The following TMEM131L variants were observed in gnomAD, a reference collection of about 807,000 sequenced individuals.
TMEM131L encodes the protein transmembrane protein 131-like.
A neutral mutation model predicts 192.2 loss-of-function variants in TMEM131L; 54 were observed. The ratio of observed to expected loss-of-function variants is 0.28; its 90% confidence interval spans 0.23 to 0.35. The LOEUF (loss-of-function observed/expected upper bound fraction) is 0.35. TMEM131L is among the 10% of genes least tolerant of loss of function. The probability of loss-of-function intolerance (pLI) is 1.00; values close to 1 mark genes in which losing one functional copy is unlikely to be tolerated. For synonymous variants in TMEM131L, 701 were observed against 704.9 expected, an observed-to-expected ratio of 0.99 and a Z score of 0.09; for missense variants, 1,888 against 1,972.9, an observed-to-expected ratio of 0.96 and a Z score of 0.82.
intron 31 of TMEM131L, among the ~76,000 whole-genome samples, chr4:153,628,171 C>T (rs1172883020): frequency 6.6e-6 from 1 of 152,238 alleles, no homozygotes; most frequent in Non-Finnish European, 1.5e-5. Flanking sequence ...AATTCAGCCT[C>T]AGCAGCCTTG....
At chr4:153,607,128 G>A (rs1437409781) in intron 25 of TMEM131L, among the ~76,000 whole-genome samples, 1 of 152,196 alleles carries the variant, frequency 6.6e-6, no homozygotes, top group African/African-American at 2.4e-5. Context: ...TCTGAAGGGA[G>A]GGTTTGGAGT....
intron 7 of TMEM131L, among the ~76,000 whole-genome samples, chr4:153,577,425 A>AT (rs1319928440): frequency 1.3e-5 from 2 of 152,068 alleles, no homozygotes; most frequent in African/African-American, 2.4e-5. Flanking sequence ...CTGCACCATC[A>AT]TTTTTTTGTG....
At position 153,578,349 on chromosome 4, in the gene TMEM131L, A is replaced by AT. The variant is rs1730099212; in HGVS notation, c.661-2476dup. ...GCCACTGTGCTTCAGCCTGGGCAGTATAACAAGTATTTTATTTTTTTTTGA... is the reference window on the plus strand; with the variant it reads ...GCCACTGTGCTTCAGCCTGGGCAGTATTAACAAGTATTTTATTTTTTTTTGA... On this transcript the variant is annotated intron_variant, in intron 7 of 34. Transcript: ENST00000409959. Among the ~76,000 whole-genome samples, 8 of 152,092 alleles carry AT rather than the reference A, an allele frequency of 5.3e-5. No individual in the cohort carries two copies. The South Asian group carries it at 1.7e-3, about 32-fold the overall frequency.
intron 3 of TMEM131L, among the ~76,000 whole-genome samples, chr4:153,513,236 G>A (rs1466565292): frequency 1.3e-5 from 2 of 152,114 alleles, no homozygotes; most frequent in Non-Finnish European, 2.9e-5. Context: ...TGTTGCCTTC[G>A]CCAGAGCACA....
intron 25 of TMEM131L, among the ~76,000 whole-genome samples, chr4:153,609,960 G>A (rs1004461891): frequency 7.9e-5 from 12 of 152,060 alleles, no homozygotes; most frequent in Admixed American, 7.9e-4. Flanking sequence ...AGTGCTTGAT[G>A]TTTTCCTTTG....
rs746077627 is a variant in TMEM131L, at chr4:153,602,132, C to CT, written c.2267-13dup. ...TTTATAGTTCACATATACTAAATAT[C>CT]TTTTTTTGGTTCCCATTAGAACTGA... On this transcript the variant is annotated intron_variant, in intron 21 of 34. Transcript: ENST00000409959. 33 of 1,406,536 alleles carry CT rather than the reference C, an allele frequency of 2.3e-5. No individual in the cohort carries two copies. The highest frequency in any genetic ancestry group is 3.2e-5 in the Non-Finnish European group (33 of 1,025,740). 87.1% of individuals were successfully genotyped at this position (1,406,536 alleles called of 1,614,324 possible).
intron 7 of TMEM131L, among the ~76,000 whole-genome samples, chr4:153,567,680 G>A (rs920908237): frequency 6.6e-6 from 1 of 152,074 alleles, no homozygotes; most frequent in African/African-American, 2.4e-5. Flanking sequence ...GAGTAGCTGG[G>A]ATTACAGGCA....
chr4:153,589,298 T>TTTGGCATATC (rs755249764), intron 16 of TMEM131L, among the ~76,000 whole-genome samples: 2 of 152,204 alleles, frequency 1.3e-5, no homozygotes, highest in Non-Finnish European at 2.9e-5. Flanking sequence ...ATGGCTTCTC[T>TTTGGCATATC]TTGGCATATC....
At chr4:153,487,711 TGTGTGTGTGA>T (rs1256131808) in intron 3 of TMEM131L, among the ~76,000 whole-genome samples, 1 of 144,560 alleles carries the variant, frequency 6.9e-6, no homozygotes, top group East Asian at 2.1e-4. Flanking sequence ...TGTGTGTGTG[TGTGTGTGTGA>T]GAGAGAGAGA....
rs78894139 is a variant in TMEM131L, at chr4:153,622,093, C to T, written c.3859+244C>T. ...CTGGCCAGTCGCAACTATCCTCAGG[C>T]ATATTGCTGAAGGAATGATGCTTGC... On this transcript the variant is annotated intron_variant, in intron 28 of 34. Transcript: ENST00000409959. Among the ~76,000 whole-genome samples the T allele has an allele frequency of 8.4e-3, 1,286 of 152,302 alleles. 21 individuals are homozygous for T. The highest frequency in any genetic ancestry group is 0.029 in the African/African-American group (1,221 of 41,546).
At chr4:153,600,802 G>A (rs552587241) in intron 21 of TMEM131L, among the ~76,000 whole-genome samples, 1 of 152,194 alleles carries the variant, frequency 6.6e-6, no homozygotes, top group Non-Finnish European at 1.5e-5. Context: ...TACTAAATGG[G>A]CACTGAGTTT....
At chr4:153,520,705 C>T (rs1348661040) in intron 3 of TMEM131L, among the ~76,000 whole-genome samples, 2 of 152,176 alleles carry the variant, frequency 1.3e-5, no homozygotes, top group East Asian at 1.9e-4. Flanking sequence ...CTTCTTCTTT[C>T]CTTAATAACT....
chr4:153,472,086 A>T (rs1412750085), intron 2 of TMEM131L, among the ~76,000 whole-genome samples: 2 of 152,176 alleles, frequency 1.3e-5, no homozygotes, highest in African/African-American at 4.8e-5. Context: ...TTAAAAAAAA[A>T]TAACTAACAT....
intron 27 of TMEM131L, among the ~76,000 whole-genome samples, chr4:153,621,482 C>T (rs1040300685): frequency 6.6e-6 from 1 of 152,204 alleles, no homozygotes; most frequent in Non-Finnish European, 1.5e-5. Context: ...TTCTTTGAGA[C>T]ACTTAATTTC....
rs139831769 is a variant in TMEM131L at position 153,590,861 on chromosome 4, G to A, written c.1671-192G>A. 5.8e-3 allele frequency among the ~76,000 whole-genome samples: 888 copies of A among 152,164 alleles called. 8 individuals are homozygous for A. Among genetic ancestry groups the A allele is most frequent in the African/African-American group, 0.02 (810 of 41,508 alleles). ...TGTTTGAGTGCTTCCTTGCTTTCTA[G>A]TAAAACAGGGCCTTCTAGGATCAAT... On this transcript the variant is annotated intron_variant, in intron 16 of 34. Transcript: ENST00000409959.
intron 3 of TMEM131L, among the ~76,000 whole-genome samples, chr4:153,525,830 G>A (rs1472115719): frequency 4.6e-5 from 7 of 151,926 alleles, no homozygotes; most frequent in Admixed American, 4.6e-4. Flanking sequence ...CTGTGGTGGG[G>A]CCTGCGATTC....
intron 3 of TMEM131L, among the ~76,000 whole-genome samples, chr4:153,544,063 C>CT (rs765876323): frequency 2.0e-5 from 3 of 152,222 alleles, no homozygotes; most frequent in Non-Finnish European, 4.4e-5. Flanking sequence ...CATCCAGCGG[C>CT]TAAAGCCATT....
Position 153,495,220 on chromosome 4 carries a change from G to T in TMEM131L, c.239+21332G>T, listed in dbSNP as rs142780463. On this transcript the variant is annotated intron_variant, in intron 3 of 34. Transcript: ENST00000409959. ...GTCCCAGCTACTCAGGAGGCTCTGA[G>T]GTAGGAGAATTGCTTGAACCTGGGA... is the stretch of plus-strand genomic sequence containing the variant. Among the ~76,000 whole-genome samples, 218 of 152,224 alleles carry T rather than the reference G, an allele frequency of 1.4e-3. 1 individual carries two copies. The Middle Eastern group carries it at 0.024, about 17-fold the overall frequency.
chr4:153,542,695 G>A (rs534093159), intron 3 of TMEM131L, among the ~76,000 whole-genome samples: 1 of 152,166 alleles, frequency 6.6e-6, no homozygotes, highest in South Asian at 2.1e-4. Context: ...GGCTTCAAAG[G>A]GAAGAAGAGG....
Sources: allele counts gnomAD v4.1 joint callset (sites outside exome capture counted in the v4.1 genomes callset), GRCh38; gene constraint gnomAD v4.1.1; transcripts MANE v1.5; gene names NCBI Gene and HGNC (gene_info 2026-07-23, HGNC 2026-07-21).